The following GALNT17 variants were observed in gnomAD, a reference collection of about 807,000 sequenced individuals.
GALNT17 encodes the protein UDP-GalNAc:polypeptide N-acetylgalactosaminyltransferase-like 3.
A neutral mutation model predicts 63.7 loss-of-function variants in GALNT17; 29 were observed. That is an observed-to-expected ratio of 0.46 (90% CI 0.34 to 0.62). The LOEUF (loss-of-function observed/expected upper bound fraction) is 0.62, where lower values mean the gene tolerates loss of function less well. GALNT17 is among the 20% of genes least tolerant of loss of function. GALNT17 has a pLI of 0.01. For synonymous variants in GALNT17, 305 were observed against 318.3 expected (o/e 0.96, Z 0.45); for missense variants, 603 against 799.6 (o/e 0.75, Z 2.97).
chr7:71,393,564 T>A (rs530522048), intron 3 of GALNT17, among the ~76,000 whole-genome samples: 10 of 152,060 alleles, frequency 6.6e-5, no homozygotes, highest in East Asian at 3.9e-4. Flanking sequence ...CTTTTTTTTT[T>A]ATTAAAAAAT....
chr7:71,145,694 G>A (rs534903702), intron 1 of GALNT17, among the ~76,000 whole-genome samples: 14 of 151,834 alleles, frequency 9.2e-5, no homozygotes, highest in African/African-American at 3.1e-4. Context: ...AAGTTCATAC[G>A]GGTTTCTTAA....
intron 8 of GALNT17, among the ~76,000 whole-genome samples, chr7:71,673,193 T>C (rs968522291): frequency 2.0e-5 from 3 of 152,142 alleles, no homozygotes; most frequent in Non-Finnish European, 4.4e-5. Context: ...TCCACTCATA[T>C]CCCAAGCAAA....
At chr7:71,408,006 G>T (rs563938467) in intron 3 of GALNT17, among the ~76,000 whole-genome samples, 14 of 152,256 alleles carry the variant, frequency 9.2e-5, no homozygotes, top group African/African-American at 2.9e-4. Context: ...ACAACATTGC[G>T]AATGTACTCA....
intron 4 of GALNT17, among the ~76,000 whole-genome samples, chr7:71,417,644 T>G (rs753954740): frequency 2.0e-5 from 3 of 152,168 alleles, no homozygotes; most frequent in Non-Finnish European, 4.4e-5. Context: ...TCCAGAGGAC[T>G]CTGATGCATG....
intron 6 of GALNT17, among the ~76,000 whole-genome samples, chr7:71,656,930 C>A (rs1032179325): frequency 6.6e-6 from 1 of 152,134 alleles, no homozygotes; most frequent in Non-Finnish European, 1.5e-5. Flanking sequence ...GAGAGCTGCC[C>A]CCTGTTAGTG....
intron 4 of GALNT17, among the ~76,000 whole-genome samples, chr7:71,419,278 C>T (rs1425275739): frequency 6.6e-6 from 1 of 152,138 alleles, no homozygotes. Context: ...GGTTAGAAAC[C>T]TCCTTCTACC....
chr7:71,552,119 A>G (rs1789090055), intron 5 of GALNT17, among the ~76,000 whole-genome samples: 1 of 151,866 alleles, frequency 6.6e-6, no homozygotes, highest in African/African-American at 2.4e-5. Context: ...ATCTTGGGCC[A>G]CTGCAACCTC....
At chr7:71,354,769 G>A (rs1792252246) in intron 2 of GALNT17, among the ~76,000 whole-genome samples, 1 of 152,252 alleles carries the variant, frequency 6.6e-6, no homozygotes. Context: ...GGAGCATTAT[G>A]ACTATCTGGT....
chr7:71,614,977 A>G (rs1245017205), intron 6 of GALNT17, among the ~76,000 whole-genome samples: 1 of 152,160 alleles, frequency 6.6e-6, no homozygotes, highest in Non-Finnish European at 1.5e-5. Context: ...TACTCAGCCC[A>G]TGATGTCCAG....
intron 1 of GALNT17, among the ~76,000 whole-genome samples, chr7:71,213,288 T>C (rs1789416294): frequency 6.6e-6 from 1 of 152,180 alleles, no homozygotes; most frequent in Non-Finnish European, 1.5e-5. Flanking sequence ...AAGAAGTGGC[T>C]TTTGCCTTCT....
intron 5 of GALNT17, among the ~76,000 whole-genome samples, chr7:71,438,488 T>C (rs981307099): frequency 2.0e-5 from 3 of 152,208 alleles, no homozygotes; most frequent in African/African-American, 7.2e-5. Flanking sequence ...ATCAATACTT[T>C]GCATCCTTCA....
chr7:71,396,305 G>A (rs1368493690), intron 3 of GALNT17, among the ~76,000 whole-genome samples: 4 of 152,046 alleles, frequency 2.6e-5, no homozygotes, highest in Admixed American at 2.0e-4. Context: ...GTTTGAGGTA[G>A]GGATCCAAAT....
chr7:71,380,190 T>G (rs191048377), intron 2 of GALNT17, among the ~76,000 whole-genome samples: 340 of 151,872 alleles, frequency 2.2e-3, no homozygotes, highest in Non-Finnish European at 3.7e-3. Context: ...TTCAGCAAAA[T>G]AGGTTGCACA....
Position 71,162,351 on chromosome 7 carries a change from A to T in GALNT17, c.238+29311A>T, listed in dbSNP as rs1278958151. Among the ~76,000 whole-genome samples the T allele has an allele frequency of 2.0e-5, 3 of 147,470 alleles. No individual in the cohort carries two copies. In the East Asian group the frequency reaches 5.8e-4, roughly 29 times the overall value. The stretch of plus-strand genomic sequence containing the variant: ...GCTAACTATGGAAGGCCTTTGTTAG[A>T]ATCTTTCCCCTGAATGCTATGGGCA... On this transcript the variant is annotated intron_variant, in intron 1 of 10. Coordinates refer to ENST00000333538, the MANE Select transcript of GALNT17 (RefSeq NM_022479.3).
rs189106568 is a variant in GALNT17, at chr7:71,335,751, C to G, written c.422+18C>G. 1 of 1,577,284 alleles carries G rather than the reference C, an allele frequency of 6.3e-7. No individual in the cohort carries two copies. Among genetic ancestry groups the G allele is most frequent in the East Asian group, 2.3e-5 (1 of 43,400 alleles). On this transcript the variant is annotated intron_variant, in intron 2 of 10. Transcript: ENST00000333538. ...CCCACCAAGTAAGTTCTGGTTCAGTCATTTGCGGAGCTTGATGGGTCGTCA... is the reference window on the plus strand; with the variant it reads ...CCCACCAAGTAAGTTCTGGTTCAGTGATTTGCGGAGCTTGATGGGTCGTCA...
intron 6 of GALNT17, among the ~76,000 whole-genome samples, chr7:71,657,147 A>G (rs1282751028): frequency 6.6e-6 from 1 of 152,190 alleles, no homozygotes; most frequent in East Asian, 1.9e-4. Context: ...TTCTATGACA[A>G]GGTGAGAACA....
intron 1 of GALNT17, among the ~76,000 whole-genome samples, chr7:71,181,029 C>T (rs961597427): frequency 5.3e-5 from 8 of 151,934 alleles, no homozygotes; most frequent in Admixed American, 1.3e-4. Context: ...CCGAGGCAGG[C>T]GGATCACTTG....
intron 1 of GALNT17, among the ~76,000 whole-genome samples, chr7:71,233,309 G>T (rs1789827860): frequency 6.6e-6 from 1 of 152,132 alleles, no homozygotes; most frequent in Non-Finnish European, 1.5e-5. Context: ...GTGAGGTGTT[G>T]GAGGGAGAGA....
intron 6 of GALNT17, among the ~76,000 whole-genome samples, chr7:71,575,738 T>C (rs532863428): frequency 1.3e-5 from 2 of 152,226 alleles, no homozygotes; most frequent in East Asian, 3.9e-4. Flanking sequence ...TTCTAACTAG[T>C]CTTTGAAATT....
Sources: allele counts gnomAD v4.1 joint callset (sites outside exome capture counted in the v4.1 genomes callset), GRCh38; gene constraint gnomAD v4.1.1; transcripts MANE v1.5; gene names NCBI Gene and HGNC (gene_info 2026-07-23, HGNC 2026-07-21).